Variants in MED27 observed in about 807,000 individuals in gnomAD.
MED27 encodes mediator complex subunit 27.
A neutral mutation model predicts 38.2 loss-of-function variants in MED27; 30 were observed. The observed-to-expected ratio is 0.79, with a 90% CI of 0.59 to 1.07. The LOEUF is 1.07. Ranked by LOEUF, MED27 falls within the 50% of genes least tolerant of loss-of-function variation. MED27 has a pLI of 0.00. For synonymous variants in MED27, 122 were observed against 153.5 expected, an observed-to-expected ratio of 0.79 and a Z score of 1.52; for missense variants, 289 against 397.5, an observed-to-expected ratio of 0.73 and a Z score of 2.32.
chr9:132,071,832 CACAT>C (rs1185003616), intron 2 of MED27, among the ~76,000 whole-genome samples: 2 of 149,882 alleles, frequency 1.3e-5, no homozygotes, highest in African/African-American at 4.9e-5. Flanking sequence ...AGTGAGTACA[CACAT>C]ACACACACCC....
intron 4 of MED27, among the ~76,000 whole-genome samples, chr9:131,933,134 T>C (rs1381931447): frequency 2.6e-5 from 4 of 152,142 alleles, no homozygotes; most frequent in Non-Finnish European, 5.9e-5. Context: ...ATAAAAGCCA[T>C]ATATGACAGA....
chr9:131,864,413 G>A (rs1328914744), intron 6 of MED27, among the ~76,000 whole-genome samples: 1 of 152,226 alleles, frequency 6.6e-6, no homozygotes, highest in African/African-American at 2.4e-5. Flanking sequence ...AGCCTGGGAA[G>A]TTGAGGCTAC....
At chr9:132,039,454 A>G (rs1833157622) in intron 2 of MED27, among the ~76,000 whole-genome samples, 2 of 152,236 alleles carry the variant, frequency 1.3e-5, no homozygotes, top group African/African-American at 4.8e-5. Context: ...TGCCCCGCAC[A>G]TGGCAAGTGC....
intron 2 of MED27, among the ~76,000 whole-genome samples, chr9:132,072,183 G>A (rs963589370): frequency 6.6e-6 from 1 of 152,158 alleles, no homozygotes; most frequent in Non-Finnish European, 1.5e-5. Flanking sequence ...CACGATGCCT[G>A]GTCATTATAA....
chr9:132,017,335 A>G (rs984437515), intron 2 of MED27, among the ~76,000 whole-genome samples: 14 of 152,228 alleles, frequency 9.2e-5, no homozygotes, highest in African/African-American at 3.4e-4. Flanking sequence ...ACAAATTAAC[A>G]TTAGAAACAT....
rs1009939880 is a variant in MED27 at position 131,889,705 on chromosome 9, C to T, written c.681+4180G>A. Among the ~76,000 whole-genome samples the T allele has an allele frequency of 6.6e-6, 1 of 152,154 alleles. No individual in the cohort carries two copies. The highest frequency in any genetic ancestry group is 2.4e-5 in the African/African-American group (1 of 41,424). On this transcript the variant is annotated intron_variant, in intron 5 of 7. Transcript: ENST00000292035. This position sits in a 1 kb window ranked among gnomAD's most constrained non-coding sequence, Gnocchi z 4.2. ...CTGATGGGGAAAAAACCTGCAAGGT[C>T]TGGAAATTAGGGGTGGTGCTGGGCC...
At chr9:132,042,750 A>C (rs945624857) in intron 2 of MED27, among the ~76,000 whole-genome samples, 2 of 152,214 alleles carry the variant, frequency 1.3e-5, no homozygotes, top group African/African-American at 4.8e-5. Context: ...TGAGTTATAA[A>C]AATTAGCAAA....
chr9:132,044,149 G>A (rs1008454292), intron 2 of MED27, among the ~76,000 whole-genome samples: 12 of 152,180 alleles, frequency 7.9e-5, no homozygotes, highest in Non-Finnish European at 1.0e-4. Flanking sequence ...AGGGAGGGGA[G>A]GAGGGAAGGG....
chr9:132,030,683 G>A (rs1281237009), intron 2 of MED27, among the ~76,000 whole-genome samples: 1 of 152,188 alleles, frequency 6.6e-6, no homozygotes. Context: ...ATCAAAATGT[G>A]CTTTTTGAAA....
chr9:131,862,227 T>G lies in MED27; in HGVS notation c.801+836A>C, dbSNP rs1203631171. Reference sequence around the variant, plus strand: ...GCCATGTGATAAGATGCACACTGATTTGGCCTTGCTAACAGGTCTTTGGAG... The same window carrying G: ...GCCATGTGATAAGATGCACACTGATGTGGCCTTGCTAACAGGTCTTTGGAG... On this transcript the variant is annotated intron_variant, in intron 7 of 7. Transcript: ENST00000292035. This position sits in a 1 kb window ranked among gnomAD's most constrained non-coding sequence, Gnocchi z 4.6. Among the ~76,000 whole-genome samples the G allele has an allele frequency of 6.6e-6, 1 of 152,196 alleles. No individual in the cohort carries two copies. Among genetic ancestry groups the G allele is most frequent in the African/African-American group, 2.4e-5 (1 of 41,444 alleles).
intron 2 of MED27, among the ~76,000 whole-genome samples, chr9:132,057,807 C>T (rs1041047260): frequency 2.0e-5 from 3 of 152,144 alleles, no homozygotes; most frequent in Admixed American, 1.3e-4. Context: ...CTCAGCCCTC[C>T]GTGGTGACAA....
chr9:131,953,687 T>C (rs894199558), intron 3 of MED27, among the ~76,000 whole-genome samples: 1 of 152,162 alleles, frequency 6.6e-6, no homozygotes, highest in Non-Finnish European at 1.5e-5. Context: ...GGTTTGCAAA[T>C]GACTGAGTTT....
At chr9:131,985,893 T>C (rs533804348) in intron 3 of MED27, among the ~76,000 whole-genome samples, 1 of 152,240 alleles carries the variant, frequency 6.6e-6, no homozygotes, top group Admixed American at 6.5e-5. Flanking sequence ...CAGATGATCC[T>C]GACCCTGTGT....
Position 131,872,971 on chromosome 9 carries a change from G to A in MED27, c.724-9831C>T, listed in dbSNP as rs959811296. Among the ~76,000 whole-genome samples the A allele has an allele frequency of 2.6e-5, 4 of 152,270 alleles. No individual in the cohort carries two copies. The highest frequency in any genetic ancestry group is 4.4e-5 in the Non-Finnish European group (3 of 68,048). On this transcript the variant is annotated intron_variant, in intron 6 of 7. Transcript: ENST00000292035. This position sits in a 1 kb window ranked among gnomAD's most constrained non-coding sequence, Gnocchi z 5.6. ...CAGACTTTGGAGCACTCAAGTAGCA[G>A]GCAGCAAAGCCAAACGTGTGCTAGG... is the stretch of plus-strand genomic sequence containing the variant.
chr9:132,001,467 GCATTAT>G (rs1832233032), intron 3 of MED27, among the ~76,000 whole-genome samples: 1 of 152,106 alleles, frequency 6.6e-6, no homozygotes, highest in Admixed American at 6.5e-5. Flanking sequence ...AAATGACAAT[GCATTAT>G]GCTTAGTCAT....
At chr9:131,990,466 T>C (rs1015461739) in intron 3 of MED27, among the ~76,000 whole-genome samples, 1 of 152,220 alleles carries the variant, frequency 6.6e-6, no homozygotes, top group Admixed American at 6.5e-5. Context: ...GGGCAGGGAT[T>C]TGTTTTGTTG....
chr9:132,072,179 G>A (rs1023236638), intron 2 of MED27, among the ~76,000 whole-genome samples: 5 of 152,170 alleles, frequency 3.3e-5, no homozygotes, highest in Admixed American at 6.5e-5. Context: ...CTATCACGAT[G>A]CCTGGTCATT....
rs749607968 is a variant in MED27 at position 131,966,383 on chromosome 9, C to CAAAAAAAAAAAAAAAAAAAAA, written c.480-26910_480-26909insTTTTTTTTTTTTTTTTTTTTT. Among the ~76,000 whole-genome samples, 170 of 36,726 alleles carry CAAAAAAAAAAAAAAAAAAAAA rather than the reference C, an allele frequency of 4.6e-3. 31 individuals are homozygous for CAAAAAAAAAAAAAAAAAAAAA. Among genetic ancestry groups the CAAAAAAAAAAAAAAAAAAAAA allele is most frequent in the African/African-American group, 0.016 (102 of 6,264 alleles). 24.1% of individuals were successfully genotyped at this position (36,726 alleles called of 152,430 possible). On this transcript the variant is annotated intron_variant, in intron 3 of 7. Coordinates refer to ENST00000292035, the MANE Select transcript of MED27 (RefSeq NM_004269.4). The stretch of plus-strand genomic sequence containing the variant: ...CAGGCAAAAGAGCCAGACCCTGTCA[C>CAAAAAAAAAAAAAAAAAAAAA]AAAAAAAAAAAAAAAAAGGAAAGGA...
intron 1 of MED27, among the ~76,000 whole-genome samples, chr9:132,078,555 G>A (rs757094547): frequency 6.6e-6 from 1 of 152,118 alleles, no homozygotes; most frequent in Non-Finnish European, 1.5e-5. Flanking sequence ...GAGGAGGGCT[G>A]TGTGATTTAC....
Sources: allele counts gnomAD v4.1 joint callset (sites outside exome capture counted in the v4.1 genomes callset), GRCh38; gene constraint gnomAD v4.1.1; non-coding constraint Gnocchi (gnomAD v3.1); transcripts MANE v1.5; gene names NCBI Gene and HGNC (gene_info 2026-07-23, HGNC 2026-07-21).